ATRX: variants seen among roughly 807,000 people sequenced by gnomAD.
ATRX encodes the protein chromatin remodeler ATRX.
A neutral mutation model predicts 172.6 loss-of-function variants in ATRX; 12 were observed. That is an observed-to-expected ratio of 0.07 (90% CI 0.04 to 0.11). The LOEUF (loss-of-function observed/expected upper bound fraction) is 0.11. ATRX is among the 10% of genes least tolerant of loss of function. ATRX has a pLI of 1.00. For missense variants in ATRX, 1,368 were observed against 1,767.4 expected, an observed-to-expected ratio of 0.77 and a Z score of 4.05; for synonymous variants, 674 against 594.7, an observed-to-expected ratio of 1.13 and a Z score of -1.94.
intron 1 of ATRX, among the ~76,000 whole-genome samples, chrX:77,732,312 G>A (rs2074332481): frequency 8.9e-6 from 1 of 111,841 alleles, no homozygotes; most frequent in Admixed American, 9.5e-5. Context: ...AGCACGGCAG[G>A]CTGAGTAAAC....
At chrX:77,521,114 C>T (rs1385789915) in intron 33 of ATRX, 198 bp from the exon 34 acceptor site, 4 of 444,322 alleles carry the variant, frequency 9.0e-6, no homozygotes, top group Non-Finnish European at 1.5e-5. Context: ...TGGAATGAAA[C>T]AATAATTTAG....
At chrX:77,537,103 C>T (rs1023040243) in intron 30 of ATRX, among the ~76,000 whole-genome samples, 2 of 111,805 alleles carry the variant, frequency 1.8e-5, no homozygotes, top group Non-Finnish European at 3.8e-5. Context: ...TGTAAGTAGC[C>T]ATATGGAGCT....
chrX:77,705,157 G>A (rs1454358228), intron 2 of ATRX, among the ~76,000 whole-genome samples: 3 of 111,523 alleles, frequency 2.7e-5, no homozygotes, highest in African/African-American at 9.8e-5. Context: ...CCGCAGTTTG[G>A]GAGACTGCAG....
chrX:77,642,088 C>T (rs1285977643), intron 15 of ATRX, among the ~76,000 whole-genome samples: 4 of 110,503 alleles, frequency 3.6e-5, no homozygotes, highest in Admixed American at 9.7e-5. Flanking sequence ...CTAGCCACTC[C>T]AGAAGCTGAG....
At chrX:77,622,867 A>G (rs1409970895) in intron 19 of ATRX, among the ~76,000 whole-genome samples, 3 of 110,397 alleles carry the variant, frequency 2.7e-5, no homozygotes, top group Admixed American at 1.9e-4. Context: ...TGAATACAAT[A>G]ATGACACAGC....
intron 1 of ATRX, among the ~76,000 whole-genome samples, chrX:77,737,065 A>AG (rs1379503014): frequency 9.2e-5 from 10 of 109,260 alleles, no homozygotes; most frequent in Admixed American, 6.9e-4. Flanking sequence ...GAGAAGTGCG[A>AG]GGGGGGGCAA....
intron 27 of ATRX, among the ~76,000 whole-genome samples, chrX:77,583,303 C>T (rs956747928): frequency 4.5e-5 from 5 of 111,189 alleles, no homozygotes; most frequent in East Asian, 5.6e-4. Flanking sequence ...GCAGGTGGAC[C>T]GCTCGAGGTC....
At chrX:77,747,988 AAAG>A (rs782465632) in intron 1 of ATRX, among the ~76,000 whole-genome samples, 28 of 111,524 alleles carry the variant, frequency 2.5e-4, no homozygotes, top group African/African-American at 8.8e-4. Flanking sequence ...CACCTTTGAT[AAAG>A]AAGGGGAGAA....
At chrX:77,721,031 T>A (rs1448050306) in intron 1 of ATRX, among the ~76,000 whole-genome samples, 1 of 111,669 alleles carries the variant, frequency 9.0e-6, no homozygotes, top group Non-Finnish European at 1.9e-5. Context: ...CATACGCAAA[T>A]CAATAAACAT....
chrX:77,614,887 T>C (rs1557095890), intron 22 of ATRX, among the ~76,000 whole-genome samples: 2 of 111,891 alleles, frequency 1.8e-5, no homozygotes, highest in East Asian at 2.8e-4. Flanking sequence ...AACACACACA[T>C]ACTTCCCAGA....
intron 15 of ATRX, among the ~76,000 whole-genome samples, chrX:77,647,332 G>T (rs1369404737): frequency 8.9e-6 from 1 of 111,836 alleles, no homozygotes; most frequent in Admixed American, 9.5e-5. Context: ...TCACAATCAA[G>T]AACCTAACTT....
At chrX:77,777,304 C>A (rs2076392806) in intron 1 of ATRX, among the ~76,000 whole-genome samples, 1 of 108,392 alleles carries the variant, frequency 9.2e-6, no homozygotes, top group East Asian at 2.8e-4. Flanking sequence ...TCGCTTGAAC[C>A]CAAGAGGCGG....
chrX:77,654,047 T>C (rs782070143), intron 14 of ATRX, 51 bp downstream of exon 14: 13 of 989,662 alleles, frequency 1.3e-5, no homozygotes, highest in Non-Finnish European at 1.9e-5. Context: ...ATAATTACCA[T>C]AGTCTACTGT....
intron 2 of ATRX, among the ~76,000 whole-genome samples, chrX:77,707,219 T>C (rs782570145): frequency 1.8e-5 from 2 of 111,535 alleles, no homozygotes; most frequent in African/African-American, 3.3e-5. Context: ...AGAGGGAAGA[T>C]TGGGGAGTTA....
intron 34 of ATRX, among the ~76,000 whole-genome samples, chrX:77,516,534 TACA>T (rs1234285893): frequency 9.0e-6 from 1 of 111,709 alleles, no homozygotes; most frequent in Non-Finnish European, 1.9e-5. Flanking sequence ...AGCAACAAGA[TACA>T]ACAATTGTAA....
Position 77,557,322 on chromosome X carries a change from T to C in ATRX, c.6699+129A>G, listed in dbSNP as rs1363098475. 3.0e-5 allele frequency: 19 copies of C among 626,170 alleles called. No homozygotes were observed. In the Admixed American group the frequency reaches 5.7e-4, roughly 19 times the overall value. 51.6% of individuals were successfully genotyped at this position (626,170 alleles called of 1,213,427 possible). The stretch of plus-strand genomic sequence containing the variant: ...TTATAATTTTCTAGACAAAATTCAT[T>C]AAATATCATTTTATTATCCTTGAAA... On this transcript the variant is annotated intron_variant, in intron 30 of 34. Coordinates refer to ENST00000373344, the MANE Select transcript of ATRX (RefSeq NM_000489.6).
At chrX:77,604,103 A>C (rs2066799676) in intron 22 of ATRX, among the ~76,000 whole-genome samples, 1 of 112,420 alleles carries the variant, frequency 8.9e-6, no homozygotes, top group Admixed American at 9.4e-5. Flanking sequence ...GGCCTAGGCA[A>C]ATAATTCATC....
chrX:77,759,740 TAATA>T (rs1395099230), intron 1 of ATRX, among the ~76,000 whole-genome samples: 23 of 110,428 alleles, frequency 2.1e-4, no homozygotes, highest in African/African-American at 6.2e-4. Context: ...AATAAAATAA[TAATA>T]AATAAACAGG....
At chrX:77,552,247 T>C (rs74634470) in intron 30 of ATRX, among the ~76,000 whole-genome samples, 1 of 109,738 alleles carries the variant, frequency 9.1e-6, no homozygotes, top group Non-Finnish European at 1.9e-5. Flanking sequence ...ATTAAGAAAA[T>C]GTGGCACATA....
Sources: allele counts gnomAD v4.1 joint callset (sites outside exome capture counted in the v4.1 genomes callset), GRCh38; gene constraint gnomAD v4.1.1; transcripts MANE v1.5; gene names NCBI Gene and HGNC (gene_info 2026-07-23, HGNC 2026-07-21).